The following PTGFRN variants were observed in gnomAD, a reference collection of about 807,000 sequenced individuals.
PTGFRN encodes prostaglandin F2 receptor inhibitor.
PTGFRN carries 35 observed loss-of-function variants against 83.2 expected under a neutral mutation model. The observed-to-expected ratio is 0.42, with a 90% confidence interval of 0.32 to 0.56. The LOEUF (loss-of-function observed/expected upper bound fraction) is 0.56, where lower values mean the gene tolerates loss of function less well. PTGFRN is among the 20% of genes least tolerant of loss of function. The pLI is 0.11. For synonymous variants in PTGFRN, 519 were observed against 498.6 expected, an observed-to-expected ratio of 1.04 and a Z score of -0.55; for missense variants, 1,051 against 1,179.5, an observed-to-expected ratio of 0.89 and a Z score of 1.60.
At chr1:116,948,515 A>T (rs574204286) in intron 3 of PTGFRN, among the ~76,000 whole-genome samples, 2 of 152,338 alleles carry the variant, frequency 1.3e-5, no homozygotes, top group South Asian at 4.1e-4. Context: ...CATTTTGAAG[A>T]CTTGACTCAA....
intron 1 of PTGFRN, among the ~76,000 whole-genome samples, chr1:116,916,552 G>A (rs1487821944): frequency 6.6e-6 from 1 of 152,192 alleles, no homozygotes; most frequent in African/African-American, 2.4e-5. Flanking sequence ...ATTTCAGGTG[G>A]GTTGTCATGA....
intron 1 of PTGFRN, among the ~76,000 whole-genome samples, chr1:116,928,052 C>G (rs890126578): frequency 6.6e-6 from 1 of 152,196 alleles, no homozygotes; most frequent in Non-Finnish European, 1.5e-5. Flanking sequence ...AGATTTAAGT[C>G]TCTGGACCAC....
chr1:116,921,703 A>T (rs567003215), intron 1 of PTGFRN, among the ~76,000 whole-genome samples: 1 of 152,190 alleles, frequency 6.6e-6, no homozygotes, highest in South Asian at 2.1e-4. Context: ...CAAGATTACA[A>T]AGTCCAAAAT....
chr1:116,976,069 G>A (rs1397757605), intron 7 of PTGFRN, among the ~76,000 whole-genome samples: 1 of 152,196 alleles, frequency 6.6e-6, no homozygotes, highest in Non-Finnish European at 1.5e-5. Context: ...AGAACTACGT[G>A]ACAAATGCAT....
At chr1:116,986,762 C>A (rs755224600) in intron 8 of PTGFRN, 39 bp from the exon 9 acceptor site, 1 of 1,604,148 alleles carries the variant, frequency 6.2e-7, no homozygotes, top group Non-Finnish European at 8.5e-7. Context: ...GCCTCCCTCG[C>A]AGCACTGACT....
chr1:116,955,450 C>G (rs1650462918), intron 4 of PTGFRN, among the ~76,000 whole-genome samples: 2 of 152,124 alleles, frequency 1.3e-5, no homozygotes, highest in South Asian at 4.1e-4. Flanking sequence ...CTTCCCTATT[C>G]CAGACACCAG....
At chr1:116,955,438 C>G (rs1650462695) in intron 4 of PTGFRN, among the ~76,000 whole-genome samples, 1 of 152,296 alleles carries the variant, frequency 6.6e-6, no homozygotes, top group East Asian at 1.9e-4. Flanking sequence ...TATTTTATCT[C>G]TCTTCCCTAT....
chr1:116,949,517 G>A lies in PTGFRN; in HGVS notation c.1158G>A (p.Trp386Ter), dbSNP rs866174103. 6.2e-7 allele frequency: 1 copy of A among 1,614,126 alleles called. No homozygotes were observed. The highest frequency in any genetic ancestry group is 8.5e-7 in the Non-Finnish European group (1 of 1,180,046). The change falls in exon 4 of 9, where the codon TGG becomes TGA. Residue 386 changes from tryptophan (W) to a stop codon, truncating the protein, a stop_gained. Transcript: ENST00000393203. LOFTEE classifies it high-confidence loss of function. ...SLWAPGHNRSWHKVAEAVSSP... is the reference protein window; with the variant it reads ...SLWAPGHNRS ...GGGCACCCGGACACAACAGGAGCTG[G>A]CACAAAGTGGCAGAGGCCGTGTCTT...
In PTGFRN at chr1:116,923,677, G is replaced by A. The variant is rs1208109267; in HGVS notation, c.49+13425G>A. Among the ~76,000 whole-genome samples, 1 of 152,064 alleles carries A rather than the reference G, an allele frequency of 6.6e-6. No homozygotes were observed. The highest frequency in any genetic ancestry group is 1.5e-5 in the Non-Finnish European group (1 of 68,036). ...CTTCTTCAGTCCCAGTGTATGCGTCGAGTGCCTCGTGGCTGGGTTCATTCA... is the reference window on the plus strand; with the variant it reads ...CTTCTTCAGTCCCAGTGTATGCGTCAAGTGCCTCGTGGCTGGGTTCATTCA... On this transcript the variant is annotated intron_variant, in intron 1 of 8. Coordinates refer to ENST00000393203, the MANE Select transcript of PTGFRN (RefSeq NM_020440.4). The surrounding 1 kb of genome is among the most constrained non-coding windows in gnomAD (Gnocchi z 4.0).
rs1650072258 is a variant in PTGFRN, at chr1:116,941,905, C to G, written c.240C>G (p.Ala80=). ...GCACCTGGGAGGTGGGGTTCCCAGC[C>G]CAGCTGTACCAGGAGCGGCTGCAGA... The part of the protein sequence containing the change: ...LASTWEVGFP[A]QLYQERLQRG... Residue 80 remains alanine (A), a synonymous_variant, in exon 2 of 9, where the codon GCC becomes GCG. Coordinates refer to ENST00000393203, the MANE Select transcript of PTGFRN (RefSeq NM_020440.4). This position sits in a 1 kb window ranked among gnomAD's most constrained non-coding sequence, Gnocchi z 5.0. 3.7e-6 allele frequency: 6 copies of G among 1,614,144 alleles called. No homozygotes were observed. The East Asian group carries it at 1.3e-4, about 36-fold the overall frequency.
At position 116,986,679 on chromosome 1, in the gene PTGFRN, A is replaced by G. The variant is rs528919809; in HGVS notation, c.2474-122A>G. 3.3e-6 allele frequency: 3 copies of G among 910,432 alleles called. No individual in the cohort carries two copies. The South Asian group carries it at 4.9e-5, about 15-fold the overall frequency. 56.4% of individuals were successfully genotyped at this position (910,432 alleles called of 1,614,324 possible). ...CAGTGGTGTGCTAGGTGCTAGATGC[A>G]GGAGGAATGAGACCTTATCTCTCGG... On this transcript the variant is annotated intron_variant, in intron 8 of 8. Coordinates refer to ENST00000393203, the MANE Select transcript of PTGFRN (RefSeq NM_020440.4).
At chr1:116,919,316 C>A (rs1649482541) in intron 1 of PTGFRN, among the ~76,000 whole-genome samples, 1 of 152,106 alleles carries the variant, frequency 6.6e-6, no homozygotes, top group South Asian at 2.1e-4. Context: ...CAAGAGAAAC[C>A]AATATGAGGG....
chr1:116,943,691 C>G (rs1189490743), intron 2 of PTGFRN, among the ~76,000 whole-genome samples: 2 of 152,190 alleles, frequency 1.3e-5, no homozygotes, highest in African/African-American at 4.8e-5. Context: ...CAGACTGATA[C>G]ATATACTAGA....
chr1:116,983,008 A>G (rs1651364184), intron 7 of PTGFRN, among the ~76,000 whole-genome samples: 1 of 152,176 alleles, frequency 6.6e-6, no homozygotes, highest in Non-Finnish European at 1.5e-5. Flanking sequence ...GTCTGTGTGT[A>G]GGAGCATGTG....
At chr1:116,930,497 A>G (rs1373966536) in intron 1 of PTGFRN, among the ~76,000 whole-genome samples, 2 of 152,064 alleles carry the variant, frequency 1.3e-5, no homozygotes, top group African/African-American at 4.8e-5. Context: ...AGGCTCAAAT[A>G]TCTTCTAGGG....
At chr1:116,915,507 A>C (rs1257326951) in intron 1 of PTGFRN, among the ~76,000 whole-genome samples, 1 of 152,222 alleles carries the variant, frequency 6.6e-6, no homozygotes, top group East Asian at 1.9e-4. Flanking sequence ...GAATTCCTGT[A>C]TCTGCCAAGC....
intron 6 of PTGFRN, among the ~76,000 whole-genome samples, chr1:116,970,469 A>G (rs1332506777): frequency 1.3e-5 from 2 of 152,038 alleles, no homozygotes; most frequent in African/African-American, 4.8e-5. Flanking sequence ...CTTGTTTTAC[A>G]TTTGTTATTT....
At chr1:116,946,954 T>C (rs1650216451) in intron 3 of PTGFRN, among the ~76,000 whole-genome samples, 1 of 152,258 alleles carries the variant, frequency 6.6e-6, no homozygotes, top group Non-Finnish European at 1.5e-5. Context: ...ATGTGATTTC[T>C]ATTTGGGGTA....
At chr1:116,949,156 CA>C (rs1336336861) in intron 3 of PTGFRN, 35 bp from the exon 4 acceptor site, 3 of 1,530,988 alleles carry the variant, frequency 2.0e-6, no homozygotes, top group Non-Finnish European at 2.6e-6. Flanking sequence ...CAAACATAAT[CA>C]GATTACCTAG....
Sources: allele counts gnomAD v4.1 joint callset (sites outside exome capture counted in the v4.1 genomes callset), GRCh38; gene constraint gnomAD v4.1.1; non-coding constraint Gnocchi (gnomAD v3.1); transcripts MANE v1.5; gene names NCBI Gene and HGNC (gene_info 2026-07-23, HGNC 2026-07-21).